The following ACKR3 variants were observed in gnomAD, a reference collection of about 807,000 sequenced individuals.
ACKR3 encodes atypical chemokine receptor 3.
ACKR3 carries 6 observed loss-of-function variants against 22.4 expected under a neutral mutation model. That is an observed-to-expected ratio of 0.27 (90% CI 0.15 to 0.53). ACKR3 has a LOEUF of 0.53. ACKR3 is among the 20% of genes least tolerant of loss of function. The pLI, the probability that ACKR3 is intolerant of heterozygous loss-of-function variation, is 0.96. For synonymous variants in ACKR3, 209 were observed against 205.2 expected, an observed-to-expected ratio of 1.02 and a Z score of -0.16; for missense variants, 396 against 475.2, an observed-to-expected ratio of 0.83 and a Z score of 1.55.
At chr2:236,559,527 G>A in the ACKR3 span, among the ~76,000 whole-genome samples, 4 of 152,108 alleles carry the variant, frequency 2.6e-5, no homozygotes, top group Non-Finnish European at 2.9e-5. Flanking sequence ...AACAATATGT[G>A]CTTTGCTTTG....
At chr2:236,575,694 G>A (rs866498254) in intron 1 of ACKR3, among the ~76,000 whole-genome samples, 36 of 152,036 alleles carry the variant, frequency 2.4e-4, no homozygotes, top group African/African-American at 8.0e-4. Flanking sequence ...CTGTGTGTGC[G>A]TGTGTCTGCG....
chr2:236,549,802 T>C, the ACKR3 span, among the ~76,000 whole-genome samples: 522 of 152,248 alleles, frequency 3.4e-3, 3 homozygotes, highest in Non-Finnish European at 4.2e-3. This position sits in a 1 kb window ranked among gnomAD's most constrained non-coding sequence, Gnocchi z 5.3. Context: ...CTGGGAAGTG[T>C]ATTTTGAAAG....
At chr2:236,555,470 G>A in the ACKR3 span, among the ~76,000 whole-genome samples, 4 of 152,184 alleles carry the variant, frequency 2.6e-5, no homozygotes, top group African/African-American at 9.7e-5. Context: ...GATCTAGGGA[G>A]TGACTCCTGA....
the ACKR3 span, among the ~76,000 whole-genome samples, chr2:236,546,345 A>G: frequency 9.0e-4 from 137 of 152,248 alleles, no homozygotes; most frequent in East Asian, 4.4e-3. This position sits in a 1 kb window ranked among gnomAD's most constrained non-coding sequence, Gnocchi z 4.9. Context: ...TCAGTGATCA[A>G]TGAAGTTCCC....
upstream of ACKR3, among the ~76,000 whole-genome samples, chr2:236,566,748 C>CTTCCTTCCT (rs2106495136): frequency 6.8e-6 from 1 of 146,362 alleles, no homozygotes; most frequent in African/African-American, 2.5e-5. Context: ...TCCTTCCTTC[C>CTTCCTTCCT]TTCCTTCCTT....
chr2:236,554,481 G>C, the ACKR3 span, among the ~76,000 whole-genome samples: 7 of 152,154 alleles, frequency 4.6e-5, no homozygotes, highest in East Asian at 1.4e-3. Context: ...AGCAGACATA[G>C]GAGCAGTCAT....
Position 236,577,254 on chromosome 2 carries a change from C to T in ACKR3, c.-26-3186C>T, listed in dbSNP as rs780914420. Among the ~76,000 whole-genome samples, 18 of 152,316 alleles carry T rather than the reference C, an allele frequency of 1.2e-4. No homozygotes were observed. Among genetic ancestry groups the T allele is most frequent in the Non-Finnish European group, 2.1e-4 (14 of 68,028 alleles). ...CAGCCATGCCCTTGTTGGAAGTTTC[C>T]CACTGTGCCACCCGGGAGGGGAGAA... On this transcript the variant is annotated intron_variant, in intron 1 of 1. Transcript: ENST00000272928. This position sits in a 1 kb window ranked among gnomAD's most constrained non-coding sequence, Gnocchi z 5.6.
chr2:236,580,389 A>T lies in ACKR3; in HGVS notation c.-26-51A>T, dbSNP rs1000258195. 7.2e-6 allele frequency: 11 copies of T among 1,537,972 alleles called. No homozygotes were observed. In the Admixed American group the frequency reaches 9.9e-5, roughly 14 times the overall value. On this transcript the variant is annotated intron_variant, in intron 1 of 1. Transcript: ENST00000272928. ...TTGCCTGAAACTTGAGTTTTTCCTA[A>T]TGAAGTGACTTTCCTCTTCCATCTT...
chr2:236,553,067 C>G, the ACKR3 span, among the ~76,000 whole-genome samples: 7 of 152,214 alleles, frequency 4.6e-5, no homozygotes, highest in Admixed American at 4.6e-4. Flanking sequence ...CAGGACTACC[C>G]TAATTTTGTC....
At chr2:236,558,829 T>C in the ACKR3 span, among the ~76,000 whole-genome samples, 1 of 152,166 alleles carries the variant, frequency 6.6e-6, no homozygotes, top group African/African-American at 2.4e-5. Context: ...CAAATGTAAG[T>C]GGAAACGAAA....
chr2:236,541,984 G>A, the ACKR3 span, among the ~76,000 whole-genome samples: 1 of 151,910 alleles, frequency 6.6e-6, no homozygotes, highest in East Asian at 1.9e-4. Flanking sequence ...ACACAGTCTT[G>A]AGTATGTCTT....
chr2:236,576,687 C>T (rs781004273), intron 1 of ACKR3, among the ~76,000 whole-genome samples: 9 of 152,254 alleles, frequency 5.9e-5, no homozygotes, highest in Non-Finnish European at 1.0e-4. Flanking sequence ...ACGTCCTGCA[C>T]GCAGGCTGGG....
At chr2:236,543,362 G>A in the ACKR3 span, among the ~76,000 whole-genome samples, 1 of 152,198 alleles carries the variant, frequency 6.6e-6, no homozygotes, top group Admixed American at 6.5e-5. Flanking sequence ...CTCAGCTTCA[G>A]AGGATCCCCA....
intron 1 of ACKR3, among the ~76,000 whole-genome samples, chr2:236,578,396 G>A (rs987542807): frequency 6.6e-6 from 1 of 152,230 alleles, no homozygotes; most frequent in Admixed American, 6.5e-5. Flanking sequence ...CTTGTCATAA[G>A]TCCGTGGTCA....
chr2:236,559,825 CA>C, the ACKR3 span, among the ~76,000 whole-genome samples: 1 of 152,154 alleles, frequency 6.6e-6, no homozygotes, highest in African/African-American at 2.4e-5. Context: ...GTGTTTTTGT[CA>C]AACAACAATT....
At chr2:236,572,007 CTA>C (rs1691321052) in intron 1 of ACKR3, among the ~76,000 whole-genome samples, 1 of 152,052 alleles carries the variant, frequency 6.6e-6, no homozygotes, top group Non-Finnish European at 1.5e-5. Flanking sequence ...CAGGAAGAAA[CTA>C]AAGATCGTGT....
At position 236,582,139 on chromosome 2, in the gene ACKR3, T is replaced by C. The variant is rs1229423808; in HGVS notation, c.*585T>C. The C allele has an allele frequency of 6.0e-6, 1 of 166,536 alleles. No individual in the cohort carries two copies. The highest frequency in any genetic ancestry group is 2.4e-5 in the African/African-American group (1 of 41,352). 10.3% of individuals were successfully genotyped at this position (166,536 alleles called of 1,614,324 possible). A position where few individuals can be genotyped will look rare whatever the true frequency, so the allele number is the denominator to read the frequency against. ...AAATGTTTTATTTACCATAGTTTTA[T>C]ATCTGTGTGGTGTTTTGTACCGGCA... On this transcript the variant is annotated 3_prime_UTR_variant, in exon 2 of 2. Coordinates refer to ENST00000272928, the MANE Select transcript of ACKR3 (RefSeq NM_020311.3).
the ACKR3 span, among the ~76,000 whole-genome samples, chr2:236,544,335 G>A: frequency 8.5e-5 from 13 of 152,128 alleles, no homozygotes. The surrounding 1 kb of genome is among the most constrained non-coding windows in gnomAD (Gnocchi z 5.0). Flanking sequence ...ATTCAGAAAG[G>A]TTATTACAGC....
the ACKR3 span, among the ~76,000 whole-genome samples, chr2:236,539,626 A>G: frequency 1.3e-5 from 2 of 152,118 alleles, no homozygotes; most frequent in Admixed American, 6.6e-5. Flanking sequence ...AAAGTGCTGG[A>G]ATTACAGGCA....
Sources: gnomAD v4.1 joint callset for allele counts (sites outside exome capture counted in the v4.1 genomes callset) on GRCh38, gnomAD v4.1.1 for gene constraint, Gnocchi (gnomAD v3.1) non-coding constraint, MANE v1.5 for transcripts, NCBI Gene and HGNC (gene_info 2026-07-23, HGNC 2026-07-21) for gene names.